Variants in EXOC6B observed in about 807,000 individuals in gnomAD.
EXOC6B encodes SEC15 homolog B.
EXOC6B carries 54 observed loss-of-function variants against 113.5 expected under a neutral mutation model. That is an observed-to-expected ratio of 0.48 (90% CI 0.38 to 0.60). The LOEUF is 0.60. Ranked by LOEUF, EXOC6B falls within the 20% of genes least tolerant of loss-of-function variation. The pLI, the probability that EXOC6B is intolerant of heterozygous loss-of-function variation, is 0.00. For missense variants in EXOC6B, 797 were observed against 977.5 expected, an observed-to-expected ratio of 0.82 and a Z score of 2.46; for synonymous variants, 357 against 339.0, an observed-to-expected ratio of 1.05 and a Z score of -0.58.
chr2:72,499,825 G>A, intron 12 of EXOC6B, 76 bp downstream of exon 12: 1 of 1,020,320 alleles, frequency 9.8e-7, no homozygotes, highest in Non-Finnish European at 1.5e-6. Context: ...AAAGCCACCA[G>A]ACCCAGTCAA....
At chr2:72,330,276 A>T (rs1032330443) in intron 20 of EXOC6B, among the ~76,000 whole-genome samples, 6 of 152,090 alleles carry the variant, frequency 3.9e-5, no homozygotes, top group African/African-American at 9.6e-5. Context: ...AATGAATGTG[A>T]ATAACAGAAA....
At chr2:72,244,536 G>GA (rs982923553) in intron 20 of EXOC6B, among the ~76,000 whole-genome samples, 8 of 150,564 alleles carry the variant, frequency 5.3e-5, no homozygotes, top group Non-Finnish European at 8.9e-5. Context: ...GTAATCAGAA[G>GA]AAAAAAAAGC....
chr2:72,199,581 T>C (rs754587931), intron 20 of EXOC6B, among the ~76,000 whole-genome samples: 5 of 152,136 alleles, frequency 3.3e-5, no homozygotes, highest in Non-Finnish European at 5.9e-5. Flanking sequence ...TAAACCCTAG[T>C]AGGACAAATA....
At chr2:72,689,327 C>T (rs1677319698) in intron 6 of EXOC6B, among the ~76,000 whole-genome samples, 1 of 152,190 alleles carries the variant, frequency 6.6e-6, no homozygotes, top group Non-Finnish European at 1.5e-5. Context: ...GGCTCAAAAA[C>T]ATCACTTATC....
chr2:72,401,566 C>CATATATATATATATATATGTGT (rs1383620831), intron 18 of EXOC6B, among the ~76,000 whole-genome samples: 4 of 14,884 alleles, frequency 2.7e-4, no homozygotes, highest in Non-Finnish European at 3.6e-4. Flanking sequence ...TATATATATA[C>CATATATATATATATATATGTGT]ATATATATAT....
At chr2:72,379,652 A>C (rs1691563125) in intron 19 of EXOC6B, 77 bp downstream of exon 19, 2 of 1,472,974 alleles carry the variant, frequency 1.4e-6, no homozygotes, top group Admixed American at 4.1e-5. Flanking sequence ...GACCCTAAAC[A>C]CCTAAAACTT....
intron 20 of EXOC6B, among the ~76,000 whole-genome samples, chr2:72,295,796 A>C (rs1686094432): frequency 6.6e-6 from 1 of 152,076 alleles, no homozygotes; most frequent in Admixed American, 6.6e-5. Context: ...CACATTTTAA[A>C]CTCCTTTCTA....
At chr2:72,245,107 T>C (rs1573076756) in intron 20 of EXOC6B, among the ~76,000 whole-genome samples, 1 of 152,208 alleles carries the variant, frequency 6.6e-6, no homozygotes, top group East Asian at 1.9e-4. Context: ...TCCCAGCAAG[T>C]TATTTTGTGA....
chr2:72,681,131 T>TG (rs1192803338), intron 6 of EXOC6B, among the ~76,000 whole-genome samples: 4 of 152,208 alleles, frequency 2.6e-5, no homozygotes, highest in Non-Finnish European at 5.9e-5. Flanking sequence ...AAGTCTATCA[T>TG]GATCTAGCTG....
At chr2:72,558,017 T>G (rs919785633) in intron 8 of EXOC6B, among the ~76,000 whole-genome samples, 2 of 125,074 alleles carry the variant, frequency 1.6e-5, no homozygotes, top group African/African-American at 5.8e-5. Context: ...AGTAAGATAT[T>G]CAGAGCTTCT....
intron 1 of EXOC6B, among the ~76,000 whole-genome samples, chr2:72,778,871 T>C (rs979942312): frequency 2.0e-5 from 3 of 152,108 alleles, no homozygotes; most frequent in African/African-American, 7.2e-5. Context: ...TCTAAAAATA[T>C]AATAGAGCAA....
chr2:72,749,383 C>T (rs1681900142), intron 1 of EXOC6B, among the ~76,000 whole-genome samples: 1 of 152,024 alleles, frequency 6.6e-6, no homozygotes, highest in South Asian at 2.1e-4. Flanking sequence ...TATCTATCAT[C>T]AACATAATGA....
At chr2:72,705,858 G>A (rs925696694) in intron 6 of EXOC6B, among the ~76,000 whole-genome samples, 4 of 152,064 alleles carry the variant, frequency 2.6e-5, no homozygotes, top group African/African-American at 7.2e-5. Context: ...AAACAAGAGG[G>A]AATAAAAAAA....
At chr2:72,446,037 T>G (rs1696554931) in intron 18 of EXOC6B, among the ~76,000 whole-genome samples, 1 of 152,172 alleles carries the variant, frequency 6.6e-6, no homozygotes, top group Non-Finnish European at 1.5e-5. Flanking sequence ...GCTTATACAC[T>G]GTTTTGGGGA....
intron 1 of EXOC6B, among the ~76,000 whole-genome samples, chr2:72,754,790 A>C (rs1268682031): frequency 6.9e-6 from 1 of 145,946 alleles, no homozygotes; most frequent in East Asian, 2.0e-4. Flanking sequence ...ATTTTTTAAA[A>C]TTTTTTTTTG....
At chr2:72,336,659 CAT>C (rs768595461) in intron 19 of EXOC6B, among the ~76,000 whole-genome samples, 176 of 152,146 alleles carry the variant, frequency 1.2e-3, no homozygotes, top group Non-Finnish European at 1.9e-3. Flanking sequence ...ATTCAAATGC[CAT>C]ATATAAATTA....
intron 20 of EXOC6B, among the ~76,000 whole-genome samples, chr2:72,212,976 TGG>T (rs1680289723): frequency 6.8e-6 from 1 of 147,014 alleles, no homozygotes; most frequent in Non-Finnish European, 1.5e-5. Flanking sequence ...CCTCTGAATC[TGG>T]GCTAGCTTTA....
intron 20 of EXOC6B, among the ~76,000 whole-genome samples, chr2:72,206,437 A>G (rs1679843947): frequency 6.6e-6 from 1 of 152,160 alleles, no homozygotes; most frequent in African/African-American, 2.4e-5. Context: ...CACTACTATC[A>G]GTTCCTTAGA....
intron 18 of EXOC6B, among the ~76,000 whole-genome samples, chr2:72,438,867 G>A (rs1346880960): frequency 6.6e-6 from 1 of 152,028 alleles, no homozygotes; most frequent in Admixed American, 6.6e-5. Flanking sequence ...AATTGGCTAG[G>A]CTAGAATTTT....
Sources: allele counts gnomAD v4.1 joint callset (sites outside exome capture counted in the v4.1 genomes callset), GRCh38; gene constraint gnomAD v4.1.1; transcripts MANE v1.5; gene names NCBI Gene and HGNC (gene_info 2026-07-23, HGNC 2026-07-21).